TRIML1: variants seen among roughly 807,000 people sequenced by gnomAD.
The protein encoded by TRIML1 is tripartite motif family like 1, also known as probable E3 ubiquitin-protein ligase TRIML1.
A neutral mutation model predicts 32.3 loss-of-function variants in TRIML1; 34 were observed. The ratio of observed to expected loss-of-function variants is 1.05; its 90% CI spans 0.80 to 1.40. The LOEUF (loss-of-function observed/expected upper bound fraction) is 1.40, where lower values mean the gene tolerates loss of function less well. Ranked by LOEUF, TRIML1 falls within the 40% of genes most tolerant of loss-of-function variation. The pLI, the probability that TRIML1 is intolerant of heterozygous loss-of-function variation, is 0.00. For missense variants in TRIML1, 595 were observed against 574.9 expected, an observed-to-expected ratio of 1.03 and a Z score of -0.36; for synonymous variants, 244 against 226.6, an observed-to-expected ratio of 1.08 and a Z score of -0.69.
downstream of TRIML1, among the ~76,000 whole-genome samples, chr4:188,149,015 G>A (rs1159296404): frequency 2.1e-5 from 3 of 145,042 alleles, no homozygotes; most frequent in African/African-American, 5.1e-5. Flanking sequence ...CTGGGTTCAC[G>A]CCATTCTCCT....
Position 188,143,863 on chromosome 4 carries a change from AG to A in TRIML1, c.758+5del. On this transcript the variant is annotated splice_donor_region_variant and intron_variant, in intron 4 of 5. Coordinates refer to ENST00000332517, the MANE Select transcript of TRIML1 (RefSeq NM_178556.5). ...GAAGTGAGAGGAGCCCTGGAAAGGT[AG>A]GCTTTCATTCTGTGTTCAGTTATGC... is the stretch of plus-strand genomic sequence containing the variant. 6.2e-7 allele frequency: 1 copy of A among 1,614,200 alleles called. No individual in the cohort carries two copies. The highest frequency in any genetic ancestry group is 1.1e-5 in the South Asian group (1 of 91,080).
At chr4:188,140,672 G>T (rs771630304) in intron 2 of TRIML1, 49 bp downstream of exon 2, 1 of 1,286,074 alleles carries the variant, frequency 7.8e-7, no homozygotes, top group South Asian at 1.3e-5. Context: ...CCATAAGGGG[G>T]ACTAAAGGGA....
chr4:188,145,799 A>G (rs541247814), intron 5 of TRIML1, among the ~76,000 whole-genome samples: 9 of 152,120 alleles, frequency 5.9e-5, no homozygotes, highest in East Asian at 1.9e-4. Context: ...CTGGGCAACA[A>G]GAGCAAAACT....
Position 188,139,537 on chromosome 4 carries a change from C to T in TRIML1, c.-22C>T. 1 of 1,549,538 alleles carries T rather than the reference C, an allele frequency of 6.5e-7. No homozygotes were observed. Among genetic ancestry groups the T allele is most frequent in the East Asian group, 2.3e-5 (1 of 44,126 alleles). ...ATCCCAGAACAGAGGTGTAACCTGG[C>T]TGCATATCCAGCCTCGAGAAAATGT... On this transcript the variant is annotated 5_prime_UTR_variant, in exon 1 of 6. Coordinates refer to ENST00000332517, the MANE Select transcript of TRIML1 (RefSeq NM_178556.5).
Position 188,139,892 on chromosome 4 carries a change from G to A in TRIML1, c.334G>A (p.Gly112Arg), listed in dbSNP as rs746585173. The A allele has an allele frequency of 1.8e-5, 29 of 1,613,778 alleles. No homozygotes were observed. The highest frequency in any genetic ancestry group is 2.4e-5 in the Non-Finnish European group (28 of 1,180,042). Residue 112 changes from glycine to arginine, a missense_variant, in exon 1 of 6, where the codon GGA becomes AGA. Gly to Arg is a moderately radical substitution (Grantham distance 125, BLOSUM62 -2). Coordinates refer to ENST00000332517, the MANE Select transcript of TRIML1 (RefSeq NM_178556.5). ...AKALSDDEQG[G>R]SAFVAQSHGA... ...GGCGCTCTCCGATGACGAGCAGGGT[G>A]GAAGCGCCTTCGTAGCCCAGAGCCA...
chr4:188,139,918 T>C lies in TRIML1; in HGVS notation c.360T>C (p.His120=), dbSNP rs2111223715. Residue 120 remains histidine, a synonymous_variant, in exon 1 of 6, where the codon CAT becomes CAC. Coordinates refer to ENST00000332517, the MANE Select transcript of TRIML1 (RefSeq NM_178556.5). The stretch of plus-strand genomic sequence containing the variant: ...GAAGCGCCTTCGTAGCCCAGAGCCA[T>C]GGTGCAAACAGAGTGCATCTCTCCA... The part of the protein sequence containing the change: ...QGGSAFVAQS[H]GANRVHLSSE... 3 of 1,613,668 alleles carry C rather than the reference T, an allele frequency of 1.9e-6. No individual in the cohort carries two copies. The highest frequency in any genetic ancestry group is 2.5e-6 in the Non-Finnish European group (3 of 1,179,960).
chr4:188,143,303 C>G (rs1734934515), intron 3 of TRIML1: 1 of 157,484 alleles, frequency 6.3e-6, no homozygotes, highest in Non-Finnish European at 1.4e-5. Flanking sequence ...ATCCATCCAC[C>G]TTGGCCTCCC....
rs1245076922 is a variant in TRIML1 at position 188,147,076 on chromosome 4, C to A, written c.1111C>A (p.Pro371Thr). Residue 371 changes from proline to threonine, a missense_variant, in exon 6 of 6, where the codon CCA becomes ACA. Physicochemically the swap from Pro to Thr is conservative, Grantham distance 38. Coordinates refer to ENST00000332517, the MANE Select transcript of TRIML1 (RefSeq NM_178556.5). ...GAGCAGAAAGGGGAATCTCCCCAAG[C>A]CACCTGGGGACCTGTTCTCACTAAT... Reference protein sequence around the residue: ...SVSRKGNLPKPPGDLFSLIGL... With the variant: ...SVSRKGNLPKTPGDLFSLIGL... 6.2e-7 allele frequency: 1 copy of A among 1,613,610 alleles called. No homozygotes were observed. The highest frequency in any genetic ancestry group is 1.3e-5 in the African/African-American group (1 of 74,896).
At chr4:188,137,971 G>C (rs1734714364), upstream of TRIML1, among the ~76,000 whole-genome samples, 2 of 139,500 alleles carry the variant, frequency 1.4e-5, no homozygotes, top group African/African-American at 5.2e-5. Context: ...GCAATATTCT[G>C]AAGCTGTGAC....
Position 188,146,880 on chromosome 4 carries a change from G to A in TRIML1, c.915G>A (p.Leu305=), listed in dbSNP as rs868826994. The A allele has an allele frequency of 6.7e-7, 1 of 1,487,716 alleles. No homozygotes were observed. Among genetic ancestry groups the A allele is most frequent in the Non-Finnish European group, 8.9e-7 (1 of 1,118,064 alleles). The allele number at this position is 1,487,716 out of a possible 1,614,324, so 92.2% of individuals were successfully genotyped here. ...ANAYLVLSED[L]KSVKYGGSRQ... ...CCTATCTCGTGTTGTCGGAGGATCTGAAGAGTGTGAAATATGGGGGAAGCA... is the reference window on the plus strand; with the variant it reads ...CCTATCTCGTGTTGTCGGAGGATCTAAAGAGTGTGAAATATGGGGGAAGCA... The change falls in exon 6 of 6, where the codon CTG becomes CTA. Residue 305 remains leucine, a synonymous_variant. Coordinates refer to ENST00000332517, the MANE Select transcript of TRIML1 (RefSeq NM_178556.5).
At chr4:188,137,857 C>T (rs893776518), upstream of TRIML1, among the ~76,000 whole-genome samples, 5 of 151,976 alleles carry the variant, frequency 3.3e-5, no homozygotes, top group Non-Finnish European at 7.4e-5. Context: ...AAGTGATCCA[C>T]CCACCTCGGC....
intron 3 of TRIML1, 79 bp downstream of exon 3, chr4:188,142,561 C>A: frequency 8.9e-7 from 1 of 1,128,636 alleles, no homozygotes. Flanking sequence ...ATAATGTTTT[C>A]TTTATTCATC....
At chr4:188,146,193 G>C (rs1036315350) in intron 5 of TRIML1, among the ~76,000 whole-genome samples, 1 of 151,976 alleles carries the variant, frequency 6.6e-6, no homozygotes, top group East Asian at 1.9e-4. Context: ...AATATGATGC[G>C]AACAACCAAG....
At chr4:188,143,753 C>T (rs1163496112) in intron 3 of TRIML1, 85 bp from the exon 4 acceptor site, 8 of 1,528,006 alleles carry the variant, frequency 5.2e-6, no homozygotes, top group Non-Finnish European at 7.3e-6. Context: ...ATTCTGTGAG[C>T]TTTGCAAGGA....
chr4:188,139,403 G>A (rs1273374466), upstream of TRIML1: 2 of 706,642 alleles, frequency 2.8e-6, no homozygotes, highest in Admixed American at 6.0e-5. Flanking sequence ...GTGTATGTCA[G>A]CTGGTGAAAT....
rs779122084 is a variant in TRIML1, at chr4:188,142,460, G to C, written c.713G>C (p.Ser238Thr). Residue 238 changes from serine (S) to threonine (T), a missense_variant, in exon 3 of 6, where the codon AGC (serine) becomes ACC (threonine). By Grantham distance (58) the Ser-to-Thr change is moderately conservative. Transcript: ENST00000332517. Reference sequence around the variant, plus strand: ...GCACAGATTGAGTCCTCAAGTCAAAGCTCGGCTTTCGAATCTCTTGAGGTG... The same window carrying C: ...GCACAGATTGAGTCCTCAAGTCAAACCTCGGCTTTCGAATCTCTTGAGGTG... ...MIAQIESSSQ[S>T]SAFESLEEVR... is the part of the protein sequence containing the mutation. 1.2e-6 allele frequency: 2 copies of C among 1,613,676 alleles called. No individual in the cohort carries two copies. The highest frequency in any genetic ancestry group is 3.3e-5 in the Admixed American group (2 of 59,950).
At position 188,147,624 on chromosome 4, in the gene TRIML1, A is replaced by G. The variant is rs1016927129; in HGVS notation, c.*252A>G. Reference sequence around the variant, plus strand: ...GTAAATGTATTCTCTGGGCTACCCCATGTGTGTGCTGGTCACTCAAATATT... The same window carrying G: ...GTAAATGTATTCTCTGGGCTACCCCGTGTGTGTGCTGGTCACTCAAATATT... On this transcript the variant is annotated 3_prime_UTR_variant, in exon 6 of 6. Coordinates refer to ENST00000332517, the MANE Select transcript of TRIML1 (RefSeq NM_178556.5). 10 of 352,422 alleles carry G rather than the reference A, an allele frequency of 2.8e-5. No individual in the cohort carries two copies. In the Admixed American group the frequency reaches 4.2e-4, roughly 15 times the overall value. 21.8% of individuals were successfully genotyped at this position (352,422 alleles called of 1,614,324 possible).
chr4:188,146,955 G>A lies in TRIML1; in HGVS notation c.990G>A (p.Val330=). The part of the protein sequence containing the change: ...NPERFDQSAT[V]LGTQIFTSGR... ...AAAGATTTGACCAGTCTGCGACTGT[G>A]CTGGGTACTCAGATCTTCACCAGTG... The change falls in exon 6 of 6, where the codon GTG becomes GTA. Residue 330 remains valine (V), a synonymous_variant. Transcript: ENST00000332517. 1 of 1,544,276 alleles carries A rather than the reference G, an allele frequency of 6.5e-7. No individual in the cohort carries two copies. The highest frequency in any genetic ancestry group is 8.7e-7 in the Non-Finnish European group (1 of 1,146,624).
At chr4:188,146,495 C>T (rs1579171172) in intron 5 of TRIML1, among the ~76,000 whole-genome samples, 1 of 152,322 alleles carries the variant, frequency 6.6e-6, no homozygotes, top group East Asian at 1.9e-4. Context: ...CTGCAACCTC[C>T]ACCTCCTGGG....
Sources: allele counts gnomAD v4.1 joint callset (sites outside exome capture counted in the v4.1 genomes callset), GRCh38; gene constraint gnomAD v4.1.1; transcripts MANE v1.5; gene names NCBI Gene and HGNC (gene_info 2026-07-23, HGNC 2026-07-21).